The following MED13L variants were observed in gnomAD, a reference collection of about 807,000 sequenced individuals.
MED13L encodes the protein mediator complex subunit 13L, also known as mediator of RNA polymerase II transcription subunit 13-like.
Under a neutral mutation model 220.9 loss-of-function variants are expected in MED13L, and 7 were observed. The observed-to-expected ratio is 0.03, with a 90% CI of 0.02 to 0.06. MED13L has a LOEUF of 0.06. MED13L is among the 10% of genes least tolerant of loss of function. The probability of loss-of-function intolerance (pLI) is 1.00; values close to 1 mark genes in which losing one functional copy is unlikely to be tolerated. For missense variants in MED13L, 1,965 were observed against 2,760.5 expected, an observed-to-expected ratio of 0.71 and a Z score of 6.46; for synonymous variants, 1,011 against 1,015.2, an observed-to-expected ratio of 1.00 and a Z score of 0.08.
chr12:116,050,036 G>A (rs139888904), intron 4 of MED13L, among the ~76,000 whole-genome samples: 142 of 152,286 alleles, frequency 9.3e-4, no homozygotes, highest in African/African-American at 3.3e-3. Context: ...CAAATATTGT[G>A]TTAAGCCTCA....
At chr12:116,083,469 A>G (rs1224481610) in intron 4 of MED13L, among the ~76,000 whole-genome samples, 36 of 151,012 alleles carry the variant, frequency 2.4e-4, no homozygotes, top group Admixed American at 1.8e-3. Flanking sequence ...CTCAGGGTTT[A>G]GAAACGAAAA....
At chr12:116,168,024 G>A (rs1009037065) in intron 2 of MED13L, among the ~76,000 whole-genome samples, 8 of 151,850 alleles carry the variant, frequency 5.3e-5, no homozygotes, top group Non-Finnish European at 1.2e-4. Context: ...ATAGTGATTC[G>A]CCACATGCAA....
At chr12:116,139,329 C>T (rs890396296) in intron 2 of MED13L, among the ~76,000 whole-genome samples, 26 of 152,086 alleles carry the variant, frequency 1.7e-4, no homozygotes, top group Non-Finnish European at 1.6e-4. Context: ...CTTATAGGTT[C>T]GCTAAATTAC....
chr12:116,033,806 CTG>C (rs1241662531), intron 4 of MED13L, among the ~76,000 whole-genome samples: 3 of 152,062 alleles, frequency 2.0e-5, no homozygotes, highest in Non-Finnish European at 4.4e-5. Flanking sequence ...TAACAGGAAA[CTG>C]TGTTAGAGAA....
chr12:115,982,988 T>C (rs1877433554), intron 21 of MED13L, 129 bp downstream of exon 21: 1 of 1,031,656 alleles, frequency 9.7e-7, no homozygotes, highest in Non-Finnish European at 1.4e-6. Context: ...TGCCCCTTTC[T>C]TTTGAGAAGA....
At chr12:116,043,054 G>T (rs962433331) in intron 4 of MED13L, among the ~76,000 whole-genome samples, 1 of 152,090 alleles carries the variant, frequency 6.6e-6, no homozygotes, top group Admixed American at 6.6e-5. Flanking sequence ...TGTGCCTGGG[G>T]TCATCACTGG....
intron 2 of MED13L, among the ~76,000 whole-genome samples, chr12:116,214,686 C>G (rs1442388660): frequency 6.6e-6 from 1 of 152,150 alleles, no homozygotes. Flanking sequence ...GTAAGAATGA[C>G]TGGCTCAAAA....
At chr12:116,199,422 T>C (rs1004423559) in intron 2 of MED13L, among the ~76,000 whole-genome samples, 3 of 152,232 alleles carry the variant, frequency 2.0e-5, no homozygotes, top group South Asian at 2.1e-4. Flanking sequence ...TAGCTTCCTA[T>C]TGCAATATCC....
At chr12:116,268,431 T>C (rs540500344) in intron 1 of MED13L, among the ~76,000 whole-genome samples, 4 of 152,362 alleles carry the variant, frequency 2.6e-5, no homozygotes, top group South Asian at 2.1e-4. Flanking sequence ...TTAGTGCTCA[T>C]ATTAAGTTCA....
At chr12:116,264,114 A>G (rs949911138) in intron 1 of MED13L, among the ~76,000 whole-genome samples, 10 of 152,210 alleles carry the variant, frequency 6.6e-5, no homozygotes, top group Admixed American at 6.5e-4. Context: ...AGCAGTTTAG[A>G]GCAAAAAGCA....
rs66691805 is a variant in MED13L, at chr12:116,183,803, G to GGTGTGTGTGTGTGT, written c.310+53651_310+53664dup. On this transcript the variant is annotated intron_variant, in intron 2 of 30. Transcript: ENST00000281928. The stretch of plus-strand genomic sequence containing the variant: ...TCATAAATTCTTGTGTAGAAAAAAT[G>GGTGTGTGTGTGTGT]GTGTGTGTGTGTGTGTATGTGTGTG... Among the ~76,000 whole-genome samples, 224 of 110,148 alleles carry GGTGTGTGTGTGTGT rather than the reference G, an allele frequency of 2.0e-3. 1 individual carries two copies. The highest frequency in any genetic ancestry group is 9.3e-3 in the Middle Eastern group (2 of 214). The allele number at this position is 110,148 out of a possible 152,430, so 72.3% of individuals were successfully genotyped here. A position where few individuals can be genotyped will look rare whatever the true frequency, so the allele number is the denominator to read the frequency against.
chr12:116,214,495 C>T (rs1565931828), intron 2 of MED13L, among the ~76,000 whole-genome samples: 1 of 151,936 alleles, frequency 6.6e-6, no homozygotes, highest in Non-Finnish European at 1.5e-5. Context: ...AAATATAAAC[C>T]AAGAACCTAA....
Position 115,961,135 on chromosome 12 carries a change from G to T in MED13L, c.*131C>A, listed in dbSNP as rs1187646465. ...GAATTGACATGTGCCTGCTGAGAAGGAATCACAGTGCAGGACTGTGGAGAG... is the reference window on the plus strand; with the variant it reads ...GAATTGACATGTGCCTGCTGAGAAGTAATCACAGTGCAGGACTGTGGAGAG... On this transcript the variant is annotated 3_prime_UTR_variant, in exon 31 of 31. Transcript: ENST00000281928. 2 of 1,177,844 alleles carry T rather than the reference G, an allele frequency of 1.7e-6. No homozygotes were observed. Among genetic ancestry groups the T allele is most frequent in the African/African-American group, 3.0e-5 (2 of 66,190 alleles). 73.0% of individuals were successfully genotyped at this position (1,177,844 alleles called of 1,614,324 possible). A position where few individuals can be genotyped will look rare whatever the true frequency, so the allele number is the denominator to read the frequency against.
chr12:115,984,413 T>C, intron 19 of MED13L, 41 bp from the exon 20 acceptor site: 1 of 1,602,338 alleles, frequency 6.2e-7, no homozygotes, highest in Non-Finnish European at 8.5e-7. Flanking sequence ...ACAGGAGCCA[T>C]TCCTTCATTC....
intron 27 of MED13L, among the ~76,000 whole-genome samples, 173 bp from the exon 28 acceptor site, chr12:115,969,270 T>C (rs1017172696): frequency 2.0e-5 from 3 of 152,230 alleles, no homozygotes; most frequent in African/African-American, 4.8e-5. Context: ...CTATTACAAA[T>C]TATTCTTTCA....
intron 11 of MED13L, chr12:116,007,193 T>A (rs1437332255): frequency 6.7e-6 from 4 of 594,436 alleles, no homozygotes; most frequent in Non-Finnish European, 1.2e-5. Flanking sequence ...AATATGAGGC[T>A]TCATTTATGT....
At chr12:116,106,607 G>A (rs1873597693) in intron 3 of MED13L, among the ~76,000 whole-genome samples, 1 of 152,188 alleles carries the variant, frequency 6.6e-6, no homozygotes, top group Non-Finnish European at 1.5e-5. Context: ...CACTGTGGGA[G>A]GCCGAAGTGG....
At chr12:116,181,661 C>T (rs1443761468) in intron 2 of MED13L, among the ~76,000 whole-genome samples, 1 of 151,982 alleles carries the variant, frequency 6.6e-6, no homozygotes, top group Admixed American at 6.6e-5. Flanking sequence ...GCCACCATGC[C>T]CGGCTAATTT....
Position 116,174,008 on chromosome 12 carries a change from T to C in MED13L, c.311-62496A>G, listed in dbSNP as rs544078838. 5.9e-5 allele frequency among the ~76,000 whole-genome samples: 9 copies of C among 152,242 alleles called. No homozygotes were observed. The South Asian group carries it at 1.2e-3, about 21-fold the overall frequency. ...ACTTGGGAGGCTGAGGCAGGAGGAC[T>C]GTTTGAATCCAAGAGTCCAAGGCTG... On this transcript the variant is annotated intron_variant, in intron 2 of 30. Coordinates refer to ENST00000281928, the MANE Select transcript of MED13L (RefSeq NM_015335.5).
Sources: allele counts gnomAD v4.1 joint callset (sites outside exome capture counted in the v4.1 genomes callset), GRCh38; gene constraint gnomAD v4.1.1; transcripts MANE v1.5; gene names NCBI Gene and HGNC (gene_info 2026-07-23, HGNC 2026-07-21).